NCOA2: variants seen among roughly 807,000 people sequenced by gnomAD.
NCOA2 encodes class E basic helix-loop-helix protein 75.
NCOA2 carries 21 observed loss-of-function variants against 145.1 expected under a neutral mutation model. That is an observed-to-expected ratio of 0.14 (90% CI 0.10 to 0.21). The LOEUF (loss-of-function observed/expected upper bound fraction) is 0.21, where lower values mean the gene tolerates loss of function less well. NCOA2 is among the 10% of genes least tolerant of loss of function. NCOA2 has a pLI of 1.00. For synonymous variants in NCOA2, 619 were observed against 637.5 expected (o/e 0.97, Z 0.44); for missense variants, 1,472 against 1,837.6 (o/e 0.80, Z 3.64).
intron 1 of NCOA2, among the ~76,000 whole-genome samples, chr8:70,373,022 C>G (rs972195185): frequency 6.6e-6 from 1 of 152,114 alleles, no homozygotes. Context: ...TACCCATGGA[C>G]ATTTGAGGTT....
chr8:70,288,450 C>T (rs1172872920), intron 2 of NCOA2, among the ~76,000 whole-genome samples: 1 of 151,938 alleles, frequency 6.6e-6, no homozygotes, highest in African/African-American at 2.4e-5. Context: ...CATGGTGGTG[C>T]GCACCTTTAG....
intron 1 of NCOA2, among the ~76,000 whole-genome samples, chr8:70,302,667 G>C (rs1255021872): frequency 1.3e-5 from 2 of 152,154 alleles, no homozygotes; most frequent in African/African-American, 4.8e-5. Context: ...AATAAAACCA[G>C]TGCTTAAAGT....
intron 2 of NCOA2, among the ~76,000 whole-genome samples, chr8:70,293,962 CTAAGGAA>C (rs1412658877): frequency 6.6e-5 from 10 of 151,882 alleles, no homozygotes; most frequent in African/African-American, 2.4e-4. Flanking sequence ...TTTGGAAAGT[CTAAGGAA>C]GTATATAAAT....
chr8:70,352,441 T>C (rs1809330365), intron 1 of NCOA2, among the ~76,000 whole-genome samples: 1 of 152,208 alleles, frequency 6.6e-6, no homozygotes, highest in Non-Finnish European at 1.5e-5. Context: ...CACAGGCATA[T>C]AACAAGATAA....
At chr8:70,353,506 AC>A (rs1366873064) in intron 1 of NCOA2, among the ~76,000 whole-genome samples, 1 of 148,610 alleles carries the variant, frequency 6.7e-6, no homozygotes, top group Non-Finnish European at 1.5e-5. Flanking sequence ...GACAGAAGAG[AC>A]CTTAGAAATC....
intron 5 of NCOA2, among the ~76,000 whole-genome samples, 191 bp downstream of exon 5, chr8:70,174,565 C>CA (rs1344182056): frequency 6.6e-6 from 1 of 152,136 alleles, no homozygotes; most frequent in Non-Finnish European, 1.5e-5. Flanking sequence ...ATGTTAATTT[C>CA]AAACACACAT....
chr8:70,323,712 A>T (rs1239052277), intron 1 of NCOA2, among the ~76,000 whole-genome samples: 1 of 152,198 alleles, frequency 6.6e-6, no homozygotes, highest in Non-Finnish European at 1.5e-5. Context: ...CTCAATAAAT[A>T]CTATCTACCC....
chr8:70,281,197 T>C (rs559900671), intron 2 of NCOA2, among the ~76,000 whole-genome samples: 42 of 150,860 alleles, frequency 2.8e-4, no homozygotes, highest in South Asian at 1.5e-3. Flanking sequence ...CTACTAAAAA[T>C]ACAAAAATTA....
chr8:70,372,827 C>A (rs1278561871), intron 1 of NCOA2, among the ~76,000 whole-genome samples: 1 of 152,158 alleles, frequency 6.6e-6, no homozygotes, highest in Non-Finnish European at 1.5e-5. Context: ...ACCACTACAG[C>A]TTACTTTGTC....
At chr8:70,360,405 C>T (rs1244946812) in intron 1 of NCOA2, among the ~76,000 whole-genome samples, 3 of 152,102 alleles carry the variant, frequency 2.0e-5, no homozygotes, top group East Asian at 1.9e-4. Context: ...AAATTAAATG[C>T]TATTCTACAA....
chr8:70,416,193 T>G, the NCOA2 span, among the ~76,000 whole-genome samples: 19 of 139,898 alleles, frequency 1.4e-4, no homozygotes, highest in African/African-American at 5.5e-4. Context: ...CTCAGTTTTT[T>G]TGTTTTTTTT....
At chr8:70,226,636 A>T (rs1820667407) in intron 2 of NCOA2, among the ~76,000 whole-genome samples, 1 of 143,314 alleles carries the variant, frequency 7.0e-6, no homozygotes, top group Non-Finnish European at 1.5e-5. Context: ...GTATAACTAT[A>T]CTTAAAACTT....
chr8:70,378,063 C>T (rs1174204033), intron 1 of NCOA2, among the ~76,000 whole-genome samples: 1 of 152,096 alleles, frequency 6.6e-6, no homozygotes. Flanking sequence ...TGGACCAATT[C>T]CCTCCAGTTA....
chr8:70,390,012 C>T (rs927204499), intron 1 of NCOA2, among the ~76,000 whole-genome samples: 2 of 152,176 alleles, frequency 1.3e-5, no homozygotes, highest in Non-Finnish European at 2.9e-5. Context: ...ATCCGAGTCA[C>T]ATATTATTTC....
chr8:70,223,859 C>T (rs1323874531), intron 2 of NCOA2, among the ~76,000 whole-genome samples: 13 of 152,242 alleles, frequency 8.5e-5, no homozygotes, highest in Admixed American at 8.5e-4. Flanking sequence ...TACTTTGACA[C>T]TTTCACTGAA....
chr8:70,121,044 C>T lies in NCOA2; in HGVS notation c.4383+258G>A, dbSNP rs538341554. Among the ~76,000 whole-genome samples the T allele has an allele frequency of 1.1e-4, 16 of 151,686 alleles. No homozygotes were observed. The South Asian group carries it at 2.1e-3, about 20-fold the overall frequency. On this transcript the variant is annotated intron_variant, in intron 22 of 22. Coordinates refer to ENST00000452400, the MANE Select transcript of NCOA2 (RefSeq NM_006540.4). The stretch of plus-strand genomic sequence containing the variant: ...AAAATTACTGTTCTTTTGTTGGCTA[C>T]GAAGACTACAGAAAAAAAAGATAAA...
chr8:70,416,591 G>C, the NCOA2 span, among the ~76,000 whole-genome samples: 1 of 152,142 alleles, frequency 6.6e-6, no homozygotes, highest in African/African-American at 2.4e-5. Flanking sequence ...TATTGCCTTA[G>C]TACATTTAAT....
At chr8:70,204,973 A>C (rs546431067) in intron 4 of NCOA2, among the ~76,000 whole-genome samples, 1 of 152,136 alleles carries the variant, frequency 6.6e-6, no homozygotes, top group Non-Finnish European at 1.5e-5. Flanking sequence ...GTACCATTGC[A>C]CTCTGGCCCG....
rs916860146 is a variant in NCOA2 at position 70,403,722 on chromosome 8, C to G, written c.-99G>C. 2.5e-6 allele frequency: 1 copy of G among 396,728 alleles called. No individual in the cohort carries two copies. Among genetic ancestry groups the G allele is most frequent in the African/African-American group, 2.1e-5 (1 of 48,514 alleles). The allele number at this position is 396,728 out of a possible 1,614,324, so 24.6% of individuals were successfully genotyped here. On this transcript the variant is annotated 5_prime_UTR_variant, in exon 1 of 23. Transcript: ENST00000452400. ...TACCGGCTCGGGTCGGTCACGCCGT[C>G]AGGTGCCGGCTGCCGTCGGCGCTGA...
Sources: gnomAD v4.1 joint callset for allele counts (sites outside exome capture counted in the v4.1 genomes callset) on GRCh38, gnomAD v4.1.1 for gene constraint, MANE v1.5 for transcripts, NCBI Gene and HGNC (gene_info 2026-07-23, HGNC 2026-07-21) for gene names.